Variants in GTF2IRD1 observed in about 807,000 individuals in gnomAD.
The protein encoded by GTF2IRD1 is general transcription factor II-I repeat domain-containing protein 1.
A neutral mutation model predicts 113.2 loss-of-function variants in GTF2IRD1; 26 were observed. That is an observed-to-expected ratio of 0.23 (90% confidence interval 0.17 to 0.32). The LOEUF (loss-of-function observed/expected upper bound fraction) is 0.32, where lower values mean the gene tolerates loss of function less well. Among genes scored for constraint, GTF2IRD1 ranks in the 10% least tolerant of loss-of-function variants. The pLI is 1.00. For missense variants in GTF2IRD1, 864 were observed against 1,280.8 expected, an observed-to-expected ratio of 0.67 and a Z score of 4.97; for synonymous variants, 484 against 529.1, an observed-to-expected ratio of 0.91 and a Z score of 1.17.
chr7:74,548,139 C>T (rs1374029291), intron 17 of GTF2IRD1, among the ~76,000 whole-genome samples: 8 of 152,186 alleles, frequency 5.3e-5, no homozygotes, highest in South Asian at 4.2e-4. Flanking sequence ...CCTTTGGGCC[C>T]GGGCGCGGTG....
intron 2 of GTF2IRD1, among the ~76,000 whole-genome samples, chr7:74,509,917 C>T (rs1247394252): frequency 3.3e-5 from 5 of 152,080 alleles, no homozygotes; most frequent in Non-Finnish European, 7.3e-5. Context: ...CCTCGTGATC[C>T]GCCCACCTCA....
chr7:74,563,076 C>A (rs1800076837), intron 22 of GTF2IRD1, among the ~76,000 whole-genome samples: 1 of 152,052 alleles, frequency 6.6e-6, no homozygotes. Flanking sequence ...GGGCCTGGAA[C>A]CTTCTGTGAG....
chr7:74,590,058 C>T (rs1554368992), intron 23 of GTF2IRD1, 130 bp downstream of exon 23: 12 of 617,996 alleles, frequency 1.9e-5, no homozygotes, highest in South Asian at 3.8e-5. Flanking sequence ...CATGGCTGCT[C>T]TGCCCATGAC....
intron 22 of GTF2IRD1, among the ~76,000 whole-genome samples, chr7:74,564,730 G>A (rs746832428): frequency 6.6e-6 from 1 of 150,558 alleles, no homozygotes; most frequent in Non-Finnish European, 1.5e-5. Flanking sequence ...GTGACAGAGC[G>A]AGGTCTTGTC....
At chr7:74,484,669 G>C (rs1554335275) in intron 1 of GTF2IRD1, among the ~76,000 whole-genome samples, 1 of 151,814 alleles carries the variant, frequency 6.6e-6, no homozygotes, top group African/African-American at 2.4e-5. Context: ...ATGTTGGCCA[G>C]GCTGGTCTCA....
chr7:74,509,874 ACCAT>A (rs1748161796), intron 2 of GTF2IRD1, among the ~76,000 whole-genome samples: 1 of 152,010 alleles, frequency 6.6e-6, no homozygotes, highest in South Asian at 2.1e-4. Flanking sequence ...ACCGGGTTTC[ACCAT>A]GTTGGCCAGG....
intron 2 of GTF2IRD1, among the ~76,000 whole-genome samples, chr7:74,508,424 G>T (rs997283178): frequency 6.6e-6 from 1 of 152,182 alleles, no homozygotes; most frequent in African/African-American, 2.4e-5. Context: ...GGGCACAGTG[G>T]CTCATGCCTG....
intron 2 of GTF2IRD1, among the ~76,000 whole-genome samples, chr7:74,510,998 G>A (rs1473618648): frequency 3.3e-5 from 5 of 151,602 alleles, no homozygotes; most frequent in South Asian, 4.2e-4. Context: ...ACAGTGAGCC[G>A]AGGTCGTGCC....
At chr7:74,524,274 C>T (rs1429726040) in intron 8 of GTF2IRD1, 120 bp downstream of exon 8, 8 of 642,176 alleles carry the variant, frequency 1.2e-5, no homozygotes, top group Non-Finnish European at 1.9e-5. Flanking sequence ...TCCCGCGCGC[C>T]GGCACCGCTA....
chr7:74,519,020 C>T (rs1797111120), intron 5 of GTF2IRD1, among the ~76,000 whole-genome samples: 1 of 152,152 alleles, frequency 6.6e-6, no homozygotes, highest in Non-Finnish European at 1.5e-5. Flanking sequence ...GAGGCAGTAC[C>T]AGTTGTCAGG....
At chr7:74,539,212 G>A (rs1295810231) in intron 13 of GTF2IRD1, among the ~76,000 whole-genome samples, 1 of 152,188 alleles carries the variant, frequency 6.6e-6, no homozygotes, top group Non-Finnish European at 1.5e-5. Context: ...TTGGGTGGCT[G>A]ACACGGGAGG....
At chr7:74,462,341 T>A (rs1793426895) in intron 1 of GTF2IRD1, among the ~76,000 whole-genome samples, 1 of 152,238 alleles carries the variant, frequency 6.6e-6, no homozygotes, top group Admixed American at 6.5e-5. Flanking sequence ...GAAGCCCGTT[T>A]GTTCATCCTT....
At chr7:74,478,238 G>A (rs538157572) in intron 1 of GTF2IRD1, among the ~76,000 whole-genome samples, 3 of 152,172 alleles carry the variant, frequency 2.0e-5, no homozygotes, top group Non-Finnish European at 2.9e-5. Context: ...GAGCAACACG[G>A]GACCTGATGT....
chr7:74,529,315 A>C (rs1174686294), intron 8 of GTF2IRD1, among the ~76,000 whole-genome samples: 1 of 152,038 alleles, frequency 6.6e-6, no homozygotes, highest in Non-Finnish European at 1.5e-5. Flanking sequence ...GTGCAGTGGC[A>C]TGATCTTGGC....
intron 8 of GTF2IRD1, 145 bp downstream of exon 8, chr7:74,524,299 G>A (rs10233143): frequency 0.022 from 13,558 of 609,954 alleles, 969 homozygotes; most frequent in African/African-American, 0.18. Context: ...CATCCGTCGC[G>A]GGCTCCTCCT....
At chr7:74,528,851 A>G (rs587711563) in intron 8 of GTF2IRD1, among the ~76,000 whole-genome samples, 33 of 149,176 alleles carry the variant, frequency 2.2e-4, no homozygotes, top group Admixed American at 2.0e-3. Flanking sequence ...GGATGAAAGG[A>G]TGGATGGATG....
chr7:74,548,664 G>A (rs1799106619), intron 17 of GTF2IRD1, among the ~76,000 whole-genome samples: 1 of 152,106 alleles, frequency 6.6e-6, no homozygotes, highest in Non-Finnish European at 1.5e-5. Flanking sequence ...AGCTACTCAG[G>A]AGGCTGAAGC....
At chr7:74,472,193 G>T (rs1794154465) in intron 1 of GTF2IRD1, among the ~76,000 whole-genome samples, 1 of 152,152 alleles carries the variant, frequency 6.6e-6, no homozygotes, top group Non-Finnish European at 1.5e-5. Context: ...GGTGAGTTTT[G>T]GTCTGTCAAG....
At chr7:74,456,711 CT>C (rs1793001599) in intron 1 of GTF2IRD1, among the ~76,000 whole-genome samples, 1 of 151,806 alleles carries the variant, frequency 6.6e-6, no homozygotes, top group South Asian at 2.1e-4. Flanking sequence ...ATTCTGTAGT[CT>C]TGCCGTTTTC....
Sources: gnomAD v4.1 joint callset for allele counts (sites outside exome capture counted in the v4.1 genomes callset) on GRCh38, gnomAD v4.1.1 for gene constraint, MANE v1.5 for transcripts, NCBI Gene and HGNC (gene_info 2026-07-23, HGNC 2026-07-21) for gene names.